Variants in TMEM232 observed in about 807,000 individuals in gnomAD.
The protein encoded by TMEM232 is transmembrane protein 232.
TMEM232 carries 80 observed loss-of-function variants against 78.8 expected under a neutral mutation model. The observed-to-expected ratio is 1.01, with a 90% CI of 0.85 to 1.22. The LOEUF (loss-of-function observed/expected upper bound fraction) is 1.22, where lower values mean the gene tolerates loss of function less well. TMEM232 is among the 50% of genes most tolerant of loss of function. TMEM232 has a pLI of 0.00. For missense variants in TMEM232, 881 were observed against 742.2 expected, an observed-to-expected ratio of 1.19 and a Z score of -2.17; for synonymous variants, 297 against 254.3, an observed-to-expected ratio of 1.17 and a Z score of -1.60.
intron 11 of TMEM232, among the ~76,000 whole-genome samples, chr5:110,530,879 A>T (rs1771362102): frequency 6.6e-6 from 1 of 152,168 alleles, no homozygotes; most frequent in Non-Finnish European, 1.5e-5. Flanking sequence ...AAGAAATAAT[A>T]ACTATATGAG....
At chr5:110,579,997 G>T (rs879587276) in intron 10 of TMEM232, among the ~76,000 whole-genome samples, 1 of 151,514 alleles carries the variant, frequency 6.6e-6, no homozygotes, top group East Asian at 1.9e-4. Flanking sequence ...ATAATGAAAA[G>T]AAGCCAGAGT....
At chr5:110,439,001 A>ATAT (rs1184986502) in intron 12 of TMEM232, among the ~76,000 whole-genome samples, 2 of 152,126 alleles carry the variant, frequency 1.3e-5, no homozygotes, top group Non-Finnish European at 2.9e-5. Flanking sequence ...CATAAATAAG[A>ATAT]TATTTTTATC....
chr5:110,435,416 T>A (rs2112713475), intron 12 of TMEM232, among the ~76,000 whole-genome samples: 1 of 151,936 alleles, frequency 6.6e-6, no homozygotes, highest in South Asian at 2.1e-4. Context: ...ATGCAATATG[T>A]AATAATTACG....
chr5:110,592,492 T>C (rs1580281257), intron 10 of TMEM232, among the ~76,000 whole-genome samples: 1 of 152,278 alleles, frequency 6.6e-6, no homozygotes, highest in East Asian at 1.9e-4. Context: ...GAGGCACTTT[T>C]CATATATCTA....
intron 11 of TMEM232, among the ~76,000 whole-genome samples, chr5:110,553,265 G>GA (rs1387332116): frequency 2.0e-5 from 3 of 151,898 alleles, no homozygotes; most frequent in Admixed American, 1.3e-4. Flanking sequence ...CTAATTCTGT[G>GA]AAAAAATATT....
At chr5:110,681,420 G>T (rs1466940620) in intron 1 of TMEM232, among the ~76,000 whole-genome samples, 3 of 152,122 alleles carry the variant, frequency 2.0e-5, no homozygotes, top group African/African-American at 7.2e-5. Flanking sequence ...CTCCCTACCT[G>T]TTCAAGTTTC....
chr5:110,625,629 G>GT, intron 6 of TMEM232, 196 bp from the exon 7 acceptor site: 1 of 356,432 alleles, frequency 2.8e-6, no homozygotes. Context: ...TAATTTATAC[G>GT]TAAGAGTTTA....
At chr5:110,500,304 A>AG (rs1437641592) in intron 12 of TMEM232, among the ~76,000 whole-genome samples, 28 of 148,610 alleles carry the variant, frequency 1.9e-4, no homozygotes, top group African/African-American at 6.4e-4. Flanking sequence ...AAAAAAAAAA[A>AG]AAAGAAAGAA....
At chr5:110,639,059 AG>A in intron 4 of TMEM232, among the ~76,000 whole-genome samples, 1 of 152,312 alleles carries the variant, frequency 6.6e-6, no homozygotes, top group South Asian at 2.1e-4. Context: ...CAGCAAATAC[AG>A]GGACTTGAGG....
At chr5:110,430,137 CTAAT>C (rs1757671121) in intron 12 of TMEM232, 1 of 151,002 alleles carries the variant, frequency 6.6e-6, no homozygotes, top group South Asian at 2.1e-4. Flanking sequence ...AAAAAAAAAA[CTAAT>C]TAAATCATTC....
intron 10 of TMEM232, among the ~76,000 whole-genome samples, chr5:110,589,734 A>G (rs1297835787): frequency 6.6e-6 from 1 of 152,168 alleles, no homozygotes; most frequent in Non-Finnish European, 1.5e-5. Flanking sequence ...GTGCCTAGAA[A>G]AATGCCTGGA....
intron 1 of TMEM232, among the ~76,000 whole-genome samples, chr5:110,674,097 T>C (rs1791725977): frequency 6.6e-6 from 1 of 152,076 alleles, no homozygotes; most frequent in Admixed American, 6.5e-5. Context: ...TTACATGTTA[T>C]TTTGCAATTA....
Position 110,580,098 on chromosome 5 carries a change from AATCCAC to A in TMEM232, c.1277-11479_1277-11474del, listed in dbSNP as rs1199674442. 2.0e-5 allele frequency among the ~76,000 whole-genome samples: 3 copies of A among 151,720 alleles called. No homozygotes were observed. The East Asian group carries it at 5.8e-4, about 29-fold the overall frequency. On this transcript the variant is annotated intron_variant, in intron 10 of 13. Transcript: ENST00000455884. ...AAATATTATGTAATATAAAAGGATC[AATCCAC>A]TAAAAAGATATAACAATTATAAATA...
intron 11 of TMEM232, among the ~76,000 whole-genome samples, chr5:110,561,435 T>G (rs777116869): frequency 5.9e-5 from 9 of 152,022 alleles, no homozygotes; most frequent in Admixed American, 2.6e-4. Flanking sequence ...TACGGTTTTA[T>G]GAGAATTAAA....
intron 11 of TMEM232, among the ~76,000 whole-genome samples, chr5:110,556,361 C>T (rs6594461): frequency 0.2 from 27,125 of 132,860 alleles, 4,347 homozygotes; most frequent in African/African-American, 0.47. Context: ...TTCCCTTCCC[C>T]TTCCTTCCTT....
chr5:110,639,983 G>T (rs145577744), intron 4 of TMEM232, among the ~76,000 whole-genome samples: 118 of 152,308 alleles, frequency 7.7e-4, no homozygotes, highest in African/African-American at 2.8e-3. Context: ...TCATGGTCCG[G>T]GGTTTTGAGA....
At position 110,617,761 on chromosome 5, in the gene TMEM232, G is replaced by A. The variant is rs147747340; in HGVS notation, c.902+668C>T. On this transcript the variant is annotated intron_variant, in intron 8 of 13. Coordinates refer to ENST00000455884, the MANE Select transcript of TMEM232 (RefSeq NM_001039763.4). ...ACTTGAACTCAGAAGTTGGAGACCG[G>A]AGACCAGGCTAGGCAACATGGCAAG... is the stretch of plus-strand genomic sequence containing the variant. 445 of 152,374 alleles carry A rather than the reference G, an allele frequency of 2.9e-3. 1 individual carries two copies. Among genetic ancestry groups the A allele is most frequent in the Middle Eastern group, 0.01 (3 of 300 alleles). 9.4% of individuals were successfully genotyped at this position (152,374 alleles called of 1,614,324 possible). A position where few individuals can be genotyped will look rare whatever the true frequency, so the allele number is the denominator to read the frequency against.
chr5:110,488,424 A>C (rs982047942), intron 12 of TMEM232, among the ~76,000 whole-genome samples: 3 of 152,126 alleles, frequency 2.0e-5, no homozygotes, highest in Non-Finnish European at 2.9e-5. Context: ...AAATAAAAAA[A>C]GGAAATTTAG....
intron 3 of TMEM232, among the ~76,000 whole-genome samples, chr5:110,395,781 A>G (rs1755362357): frequency 2.0e-5 from 3 of 152,292 alleles, no homozygotes; most frequent in East Asian, 1.9e-4. Flanking sequence ...GATCTGGCCA[A>G]TTATACGTAC....
Sources: allele counts gnomAD v4.1 joint callset (sites outside exome capture counted in the v4.1 genomes callset), GRCh38; gene constraint gnomAD v4.1.1; transcripts MANE v1.5; gene names NCBI Gene and HGNC (gene_info 2026-07-23, HGNC 2026-07-21).